Variants in DOCK4 observed in about 807,000 individuals in gnomAD.
The protein encoded by DOCK4 is dedicator of cytokinesis protein 4.
DOCK4 carries 97 observed loss-of-function variants against 268.1 expected under a neutral mutation model. That is an observed-to-expected ratio of 0.36 (90% CI 0.31 to 0.43). The LOEUF (loss-of-function observed/expected upper bound fraction) is 0.43, where lower values mean the gene tolerates loss of function less well. Among genes scored for constraint, DOCK4 ranks in the 20% least tolerant of loss-of-function variants. The pLI, the probability that DOCK4 is intolerant of heterozygous loss-of-function variation, is 1.00. For synonymous variants in DOCK4, 954 were observed against 887.2 expected (o/e 1.08, Z -1.34); for missense variants, 2,145 against 2,455.7 (o/e 0.87, Z 2.67).
At chr7:112,042,939 G>C (rs1243485324) in intron 1 of DOCK4, among the ~76,000 whole-genome samples, 2 of 152,184 alleles carry the variant, frequency 1.3e-5, no homozygotes. Context: ...TCTCGTGCTT[G>C]TTTCTTTTGC....
intron 39 of DOCK4, 127 bp from the exon 40 acceptor site, chr7:111,760,449 G>A (rs779304061): frequency 4.6e-5 from 44 of 947,142 alleles, no homozygotes; most frequent in Middle Eastern, 2.4e-4. Flanking sequence ...CAAAAATTAC[G>A]CTGGAACAAT....
intron 47 of DOCK4, chr7:111,739,707 C>T: frequency 1.9e-6 from 1 of 536,310 alleles, no homozygotes; most frequent in South Asian, 2.1e-5. Context: ...TTCAGCTATA[C>T]ACTGTGACTT....
At chr7:111,872,637 A>G in intron 17 of DOCK4, 73 bp from the exon 18 acceptor site, 1 of 1,313,640 alleles carries the variant, frequency 7.6e-7, no homozygotes, top group South Asian at 1.4e-5. Flanking sequence ...TTCTGCTAGT[A>G]AAAGTAAAAT....
At chr7:111,993,202 A>G (rs189892467) in intron 5 of DOCK4, among the ~76,000 whole-genome samples, 221 of 152,358 alleles carry the variant, frequency 1.5e-3, no homozygotes, top group Middle Eastern at 6.8e-3. Context: ...AAACACTATC[A>G]TTCTGCCAGT....
intron 38 of DOCK4, among the ~76,000 whole-genome samples, chr7:111,766,713 C>T (rs1797781274): frequency 2.0e-5 from 3 of 152,140 alleles, no homozygotes; most frequent in African/African-American, 7.2e-5. Context: ...TATATTGTTA[C>T]AGAAACTTAT....
chr7:112,004,306 G>T (rs188083059), intron 1 of DOCK4, among the ~76,000 whole-genome samples, 175 bp from the exon 2 acceptor site: 1 of 152,116 alleles, frequency 6.6e-6, no homozygotes, highest in East Asian at 1.9e-4. Context: ...CACATACTTT[G>T]CCAACTTCTT....
chr7:111,907,863 G>A (rs1002760228), intron 13 of DOCK4, among the ~76,000 whole-genome samples: 1 of 151,924 alleles, frequency 6.6e-6, no homozygotes, highest in African/African-American at 2.4e-5. Context: ...TGAGTAGCTG[G>A]GACTGCAGGC....
At chr7:112,060,270 C>T (rs1324751616) in intron 1 of DOCK4, among the ~76,000 whole-genome samples, 2 of 152,114 alleles carry the variant, frequency 1.3e-5, no homozygotes, top group African/African-American at 2.4e-5. Flanking sequence ...AATGAGACTC[C>T]ACCTCATACC....
intron 4 of DOCK4, among the ~76,000 whole-genome samples, chr7:111,995,025 A>G (rs1035473186): frequency 1.4e-5 from 2 of 141,632 alleles, no homozygotes; most frequent in Admixed American, 1.5e-4. Context: ...GAAATAAAAG[A>G]GAAGTTTTGT....
At chr7:112,014,539 A>G (rs1302902929) in intron 1 of DOCK4, among the ~76,000 whole-genome samples, 2 of 152,116 alleles carry the variant, frequency 1.3e-5, no homozygotes, top group African/African-American at 4.8e-5. Context: ...CATGACTCAC[A>G]TGTGCTGAGG....
At chr7:111,763,574 TA>T (rs1165324250) in intron 39 of DOCK4, among the ~76,000 whole-genome samples, 2 of 152,394 alleles carry the variant, frequency 1.3e-5, no homozygotes, top group East Asian at 1.9e-4. Context: ...TCTAATTTTT[TA>T]AAACTTTATA....
chr7:112,059,540 T>A (rs1223925349), intron 1 of DOCK4, among the ~76,000 whole-genome samples: 2 of 152,210 alleles, frequency 1.3e-5, no homozygotes, highest in Non-Finnish European at 2.9e-5. Context: ...ATAATATTCA[T>A]CCTATATTTC....
At chr7:112,057,170 T>TTA (rs1805892302) in intron 1 of DOCK4, among the ~76,000 whole-genome samples, 1 of 152,026 alleles carries the variant, frequency 6.6e-6, no homozygotes, top group Admixed American at 6.6e-5. Context: ...TCCCAGCAGC[T>TTA]CAGAAGGCAG....
At chr7:112,174,833 T>C (rs891793526) in intron 1 of DOCK4, among the ~76,000 whole-genome samples, 1 of 152,134 alleles carries the variant, frequency 6.6e-6, no homozygotes, top group African/African-American at 2.4e-5. Context: ...TGATGTTTTA[T>C]CTCAATGTTT....
chr7:111,895,853 T>C, intron 15 of DOCK4, 135 bp from the exon 16 acceptor site: 2 of 771,512 alleles, frequency 2.6e-6, no homozygotes, highest in Admixed American at 2.3e-5. Context: ...GCTTTTCTGA[T>C]AGGCCATCTA....
chr7:112,206,153 C>T lies in DOCK4; in HGVS notation c.-15G>A, dbSNP rs374792415. 19 of 1,576,132 alleles carry T rather than the reference C, an allele frequency of 1.2e-5. No homozygotes were observed. The African/African-American group carries it at 2.4e-4, about 20-fold the overall frequency. ...GGTATCCACATGGCTAAAGGGGCTC[C>T]GGGGTCTTCAGGCTTTGTAATCCCC... is the stretch of plus-strand genomic sequence containing the variant. On this transcript the variant is annotated 5_prime_UTR_variant, in exon 1 of 53. Transcript: ENST00000428084.
chr7:111,995,120 C>T (rs1288443532), intron 4 of DOCK4, among the ~76,000 whole-genome samples: 2 of 151,732 alleles, frequency 1.3e-5, no homozygotes, highest in Non-Finnish European at 2.9e-5. Context: ...CAAGCTCCAC[C>T]TCCCAGGTTC....
chr7:111,800,499 C>T (rs559757085), intron 30 of DOCK4, among the ~76,000 whole-genome samples: 41 of 152,126 alleles, frequency 2.7e-4, no homozygotes, highest in African/African-American at 8.9e-4. Flanking sequence ...TTTATGTTAA[C>T]GTTTCTGGTA....
At chr7:111,941,407 TA>T (rs1287160184) in intron 10 of DOCK4, among the ~76,000 whole-genome samples, 2 of 152,196 alleles carry the variant, frequency 1.3e-5, no homozygotes, top group South Asian at 2.1e-4. Context: ...TAAACAAATT[TA>T]AAACTTTGGT....
Sources: allele counts gnomAD v4.1 joint callset (sites outside exome capture counted in the v4.1 genomes callset), GRCh38; gene constraint gnomAD v4.1.1; transcripts MANE v1.5; gene names NCBI Gene and HGNC (gene_info 2026-07-23, HGNC 2026-07-21).